NBPF8: variants seen among roughly 807,000 people sequenced by gnomAD.
NBPF8 encodes the protein NBPF family member NBPF8.
chr1:120,429,536 C>T (rs2101549038), intron 3 of NBPF8, among the ~76,000 whole-genome samples: 1 of 152,328 alleles, frequency 6.6e-6, no homozygotes, highest in Middle Eastern at 3.4e-3. Flanking sequence ...TGTCTAGAGA[C>T]ATGGCGGGAG....
chr1:120,465,728 T>A (rs1403384096), intron 24 of NBPF8, among the ~76,000 whole-genome samples: 1 of 150,096 alleles, frequency 6.7e-6, no homozygotes, highest in Non-Finnish European at 1.5e-5. Flanking sequence ...TACCAGTATG[T>A]CAACTGGCCA....
chr1:120,422,429 A>C (rs1365719116), intron 1 of NBPF8, among the ~76,000 whole-genome samples: 3 of 141,530 alleles, frequency 2.1e-5, no homozygotes, highest in Non-Finnish European at 4.6e-5. Context: ...ACCACTCATC[A>C]TTTTACTACT....
intron 16 of NBPF8, among the ~76,000 whole-genome samples, chr1:120,456,359 C>G (rs1255563019): frequency 2.0e-5 from 3 of 149,758 alleles, no homozygotes; most frequent in Non-Finnish European, 4.4e-5. Context: ...AATATTGACA[C>G]TGGGGTGTTA....
intron 2 of NBPF8, among the ~76,000 whole-genome samples, chr1:120,426,097 G>GT (rs1411871626): frequency 3.3e-5 from 4 of 122,860 alleles, no homozygotes. Flanking sequence ...GGCTGGCTGT[G>GT]TTTTTTTCCT....
At chr1:120,459,846 G>T (rs1245857275) in intron 17 of NBPF8, among the ~76,000 whole-genome samples, 1 of 152,052 alleles carries the variant, frequency 6.6e-6, no homozygotes, top group Non-Finnish European at 1.5e-5. Flanking sequence ...TTGTCTGTCA[G>T]CTCAGCTCAT....
At chr1:120,464,159 G>A (rs1427820380) in intron 22 of NBPF8, among the ~76,000 whole-genome samples, 2 of 109,056 alleles carry the variant, frequency 1.8e-5, no homozygotes, top group Admixed American at 9.0e-5. Context: ...GTGTGTGTGT[G>A]TGTGTGTGTG....
chr1:120,456,508 C>T lies in NBPF8; in HGVS notation n.2620+1048C>T, dbSNP rs1482686695. On this transcript the variant is annotated intron_variant and non_coding_transcript_variant, in intron 16 of 24. Transcript: ENST00000583271. Reference sequence around the variant, plus strand: ...TCTTCTTGTTGAATTGATCCCTTTACCATTATGTAGTGGCCTTCTTGTCTC... The same window carrying T: ...TCTTCTTGTTGAATTGATCCCTTTATCATTATGTAGTGGCCTTCTTGTCTC... 2.9e-5 allele frequency among the ~76,000 whole-genome samples: 3 copies of T among 105,122 alleles called. 1 individual carries two copies. Among genetic ancestry groups the T allele is most frequent in the East Asian group, 2.0e-4 (1 of 5,104 alleles). The allele number at this position is 105,122 out of a possible 152,430, so 69.0% of individuals were successfully genotyped here.
intron 1 of NBPF8, among the ~76,000 whole-genome samples, chr1:120,425,415 A>T (rs1488907326): frequency 1.1e-4 from 16 of 152,198 alleles, no homozygotes; most frequent in Middle Eastern, 3.4e-3. Context: ...TCAAAAGCAC[A>T]GCACTTTTTT....
upstream of NBPF8, among the ~76,000 whole-genome samples, chr1:120,415,281 G>A (rs1660398431): frequency 6.6e-6 from 1 of 152,200 alleles, no homozygotes; most frequent in Non-Finnish European, 1.5e-5. Flanking sequence ...CCGAGGTGAA[G>A]GCGCCGCGCC....
chr1:120,451,966 T>C (rs2101677948), intron 12 of NBPF8, among the ~76,000 whole-genome samples, 151 bp from the exon 11 acceptor site: 1 of 152,146 alleles, frequency 6.6e-6, no homozygotes, highest in South Asian at 2.1e-4. Flanking sequence ...TTTCTATTCT[T>C]TCTCTTGGCC....
intron 20 of NBPF8, among the ~76,000 whole-genome samples, 194 bp downstream of exon 18, chr1:120,462,391 C>G (rs1661616792): frequency 6.7e-6 from 1 of 148,904 alleles, no homozygotes; most frequent in African/African-American, 2.5e-5. Context: ...TACTAACTTA[C>G]TATAGGTTGA....
At chr1:120,434,422 T>C (rs1661013577), upstream of NBPF8, among the ~76,000 whole-genome samples, 1 of 146,896 alleles carries the variant, frequency 6.8e-6, no homozygotes. Context: ...ATATTATATA[T>C]ATATATACGT....
intron 1 of NBPF8, among the ~76,000 whole-genome samples, chr1:120,422,159 C>T (rs1331775253): frequency 2.0e-5 from 3 of 152,214 alleles, no homozygotes; most frequent in African/African-American, 7.2e-5. Flanking sequence ...CCCCTGTCCT[C>T]CAGCACACAG....
intron 15 of NBPF8, among the ~76,000 whole-genome samples, chr1:120,454,863 CA>C (rs1661392364): frequency 7.0e-6 from 1 of 142,596 alleles, no homozygotes; most frequent in Non-Finnish European, 1.5e-5. Context: ...CACAGGTGCA[CA>C]ACATCACATC....
chr1:120,435,773 G>A (rs1231617536), upstream of NBPF8, among the ~76,000 whole-genome samples: 2 of 151,860 alleles, frequency 1.3e-5, no homozygotes, highest in African/African-American at 4.8e-5. Flanking sequence ...GTCTGAGGCA[G>A]GAGAATAGCG....
chr1:120,436,625 T>C, exon 1 of NBPF8: 5 of 1,581,458 alleles, frequency 3.2e-6, no homozygotes, highest in Non-Finnish European at 3.4e-6. Flanking sequence ...CAAACAGCAG[T>C]TCGTAAACCT....
exon 21 of NBPF8, chr1:120,462,928 T>A: frequency 2.1e-6 from 1 of 479,634 alleles, no homozygotes; most frequent in Non-Finnish European, 3.5e-6. Context: ...GTTTACTCAT[T>A]GGAGGAACAG....
At chr1:120,416,605 CAA>C (rs1160932917), upstream of NBPF8, among the ~76,000 whole-genome samples, 409 of 24,184 alleles carry the variant, frequency 0.017, 4 homozygotes, top group African/African-American at 0.085. Context: ...ACCCTGTCTC[CAA>C]AAAAAAAAAA....
upstream of NBPF8, among the ~76,000 whole-genome samples, chr1:120,435,614 C>A (rs1157598664): frequency 6.8e-6 from 1 of 146,840 alleles, no homozygotes; most frequent in Non-Finnish European, 1.5e-5. Flanking sequence ...GAGGCCGAGG[C>A]GGCAGATCAC....
Sources: allele counts gnomAD v4.1 joint callset (sites outside exome capture counted in the v4.1 genomes callset), GRCh38; gene constraint gnomAD v4.1.1; transcripts MANE v1.5; gene names NCBI Gene and HGNC (gene_info 2026-07-23, HGNC 2026-07-21).